Variants in FAM118B observed in about 807,000 individuals in gnomAD.
The protein encoded by FAM118B is SIR2 antiphage like 1, also known as protein FAM118B.
In FAM118B, 24 loss-of-function variants were observed where a neutral mutation model predicts 38.5. The ratio of observed to expected loss-of-function variants is 0.62; its 90% CI spans 0.45 to 0.88. FAM118B has a LOEUF of 0.88. Among genes scored for constraint, FAM118B ranks in the 40% least tolerant of loss-of-function variants. The probability of loss-of-function intolerance (pLI) is 0.00; values close to 1 mark genes in which losing one functional copy is unlikely to be tolerated. For synonymous variants in FAM118B, 138 were observed against 156.3 expected (o/e 0.88, Z 0.87); for missense variants, 334 against 420.0 (o/e 0.80, Z 1.79).
rs182375689 is a variant in FAM118B at position 126,218,516 on chromosome 11, G to A, written c.-77+6686G>A. ...ACCACTAAAATAAACATTCTATGAG[G>A]GCAGGGATTTTGGGTTTTTTTTTGT... On this transcript the variant is annotated intron_variant, in intron 1 of 8. Coordinates refer to ENST00000533050, the MANE Select transcript of FAM118B (RefSeq NM_024556.4). Among the ~76,000 whole-genome samples, 356 of 151,606 alleles carry A rather than the reference G, an allele frequency of 2.3e-3. 1 individual carries two copies. Among genetic ancestry groups the A allele is most frequent in the African/African-American group, 8.4e-3 (349 of 41,488 alleles).
chr11:126,256,450 A>C lies in FAM118B; in HGVS notation c.697-117A>C, dbSNP rs1472515804. On this transcript the variant is annotated intron_variant, in intron 6 of 8. Transcript: ENST00000533050. This position sits in a 1 kb window ranked among gnomAD's most constrained non-coding sequence, Gnocchi z 6.6. ...ACTCCTTGATGGGACATACCAACCCACTTAAGTCTTGCTTAATTGGTCATC... is the reference window on the plus strand; with the variant it reads ...ACTCCTTGATGGGACATACCAACCCCCTTAAGTCTTGCTTAATTGGTCATC... 1 of 849,106 alleles carries C rather than the reference A, an allele frequency of 1.2e-6. No homozygotes were observed. The highest frequency in any genetic ancestry group is 1.8e-6 in the Non-Finnish European group (1 of 549,740). 52.6% of individuals were successfully genotyped at this position (849,106 alleles called of 1,614,324 possible).
At chr11:126,230,718 G>C (rs997665958) in intron 2 of FAM118B, among the ~76,000 whole-genome samples, 1 of 152,176 alleles carries the variant, frequency 6.6e-6, no homozygotes, top group Non-Finnish European at 1.5e-5. Context: ...ACTTGTTTGA[G>C]CTGAGGAGTA....
At chr11:126,254,212 A>C in intron 5 of FAM118B, 93 bp from the exon 6 acceptor site, 1 of 1,435,198 alleles carries the variant, frequency 7.0e-7, no homozygotes, top group Admixed American at 2.3e-5. Context: ...TTATGTCAGA[A>C]GTCTAGTCCT....
intron 2 of FAM118B, among the ~76,000 whole-genome samples, chr11:126,232,761 TA>T (rs1950225542): frequency 6.6e-6 from 1 of 151,368 alleles, no homozygotes; most frequent in African/African-American, 2.4e-5. Flanking sequence ...CTTAAAAAAA[TA>T]TATATCCCCA....
intron 7 of FAM118B, among the ~76,000 whole-genome samples, chr11:126,257,538 A>T (rs1950597175): frequency 6.6e-6 from 1 of 151,994 alleles, no homozygotes; most frequent in Non-Finnish European, 1.5e-5. Flanking sequence ...AGTTAGAGAC[A>T]TATGAGTAAA....
chr11:126,220,077 T>C (rs2135128788), intron 1 of FAM118B, among the ~76,000 whole-genome samples: 1 of 152,288 alleles, frequency 6.6e-6, no homozygotes, highest in Admixed American at 6.5e-5. Flanking sequence ...TAAAAACTGC[T>C]TTTCTCCACA....
At chr11:126,222,212 A>G (rs897941222) in intron 1 of FAM118B, among the ~76,000 whole-genome samples, 2 of 152,216 alleles carry the variant, frequency 1.3e-5, no homozygotes, top group Non-Finnish European at 2.9e-5. Flanking sequence ...TCTACCTCAC[A>G]GAAGAGCAGA....
At chr11:126,247,432 T>A (rs546926384) in intron 4 of FAM118B, among the ~76,000 whole-genome samples, 1 of 152,174 alleles carries the variant, frequency 6.6e-6, no homozygotes, top group South Asian at 2.1e-4. Context: ...TGACCTGGAT[T>A]TTTTTCCCCC....
intron 2 of FAM118B, among the ~76,000 whole-genome samples, chr11:126,232,410 A>G (rs1950218552): frequency 6.6e-6 from 1 of 152,166 alleles, no homozygotes; most frequent in Non-Finnish European, 1.5e-5. Flanking sequence ...CGGATTAATG[A>G]GTTAATGTTT....
intron 4 of FAM118B, among the ~76,000 whole-genome samples, chr11:126,241,987 T>C (rs1412395263): frequency 1.4e-5 from 2 of 138,386 alleles, no homozygotes; most frequent in African/African-American, 2.8e-5. Flanking sequence ...GTCGCGCCAC[T>C]GCACTCCAGC....
intron 1 of FAM118B, among the ~76,000 whole-genome samples, chr11:126,228,723 C>A (rs1235147672): frequency 2.0e-5 from 3 of 151,852 alleles, no homozygotes; most frequent in African/African-American, 7.3e-5. Flanking sequence ...CCACACCCAG[C>A]TAATTTTTTG....
At position 126,262,266 on chromosome 11, in the gene FAM118B, TAGAAGAGGGGGGA is replaced by T; in HGVS notation, c.*135_*147del. 2.2e-6 allele frequency: 2 copies of T among 910,194 alleles called. No homozygotes were observed. Among genetic ancestry groups the T allele is most frequent in the Non-Finnish European group, 3.5e-6 (2 of 567,028 alleles). 56.4% of individuals were successfully genotyped at this position (910,194 alleles called of 1,614,324 possible). A position where few individuals can be genotyped will look rare whatever the true frequency, so the allele number is the denominator to read the frequency against. On this transcript the variant is annotated 3_prime_UTR_variant, in exon 9 of 9. Transcript: ENST00000533050. ...AATAGCCAGAGGTTGAAGGGCGGGG[TAGAAGAGGGGGGA>T]ATGTTGCAGCGTAATCCTTCATACC...
At chr11:126,224,562 T>TAG (rs928307313) in intron 1 of FAM118B, among the ~76,000 whole-genome samples, 2 of 147,990 alleles carry the variant, frequency 1.4e-5, no homozygotes, top group African/African-American at 5.0e-5. Context: ...TGCTGTGAAA[T>TAG]AAAAAGTAGA....
intron 1 of FAM118B, among the ~76,000 whole-genome samples, chr11:126,226,069 A>G (rs11220409): frequency 0.47 from 70,187 of 148,450 alleles, 17,539 homozygotes; most frequent in African/African-American, 0.62. Flanking sequence ...AAAAAGGAAC[A>G]TGGCGCAAGT....
intron 8 of FAM118B, 43 bp from the exon 9 acceptor site, chr11:126,262,077 T>C: frequency 6.2e-7 from 1 of 1,612,450 alleles, no homozygotes; most frequent in South Asian, 1.1e-5. Flanking sequence ...TATAAACCTG[T>C]TTTGTGAAAC....
chr11:126,237,564 C>T (rs1344916922), intron 3 of FAM118B, among the ~76,000 whole-genome samples: 6 of 137,686 alleles, frequency 4.4e-5, no homozygotes, highest in African/African-American at 1.0e-4. Flanking sequence ...AGGCCAGGCT[C>T]GGTGGCTCAC....
chr11:126,246,448 C>G (rs1950420215), intron 4 of FAM118B, among the ~76,000 whole-genome samples: 1 of 152,178 alleles, frequency 6.6e-6, no homozygotes, highest in African/African-American at 2.4e-5. Context: ...CTTAACTTGT[C>G]AACATCTGTT....
In FAM118B at chr11:126,250,547, A is replaced by C. The variant is rs371459202; in HGVS notation, c.381A>C (p.Leu127Phe). ...NVRSTFFKDC[L>F]YEVFDDLESK... ...GATCCACATTTTTCAAGGACTGTTT[A>C]TATGAAGTATTTGATGACTTGGAGT... The change falls in exon 5 of 9, where the codon TTA becomes TTC. Residue 127 changes from leucine (L) to phenylalanine (F), a missense_variant. Leu to Phe is a conservative substitution (Grantham distance 22, BLOSUM62 0). Coordinates refer to ENST00000533050, the MANE Select transcript of FAM118B (RefSeq NM_024556.4). This position sits in a 1 kb window ranked among gnomAD's most constrained non-coding sequence, Gnocchi z 5.1. 53 of 1,614,026 alleles carry C rather than the reference A, an allele frequency of 3.3e-5. No homozygotes were observed. The highest frequency in any genetic ancestry group is 4.0e-5 in the Non-Finnish European group (47 of 1,179,992).
At chr11:126,213,830 A>G (rs1949927251) in intron 1 of FAM118B, among the ~76,000 whole-genome samples, 1 of 152,242 alleles carries the variant, frequency 6.6e-6, no homozygotes, top group Non-Finnish European at 1.5e-5. Context: ...CTCAAAGCAC[A>G]CACTTAGTGA....
Sources: gnomAD v4.1 joint callset for allele counts (sites outside exome capture counted in the v4.1 genomes callset) on GRCh38, gnomAD v4.1.1 for gene constraint, Gnocchi (gnomAD v3.1) non-coding constraint, MANE v1.5 for transcripts, NCBI Gene and HGNC (gene_info 2026-07-23, HGNC 2026-07-21) for gene names.